The following ATRNL1 variants were observed in gnomAD, a reference collection of about 807,000 sequenced individuals.
ATRNL1 encodes the protein attractin-like protein 1.
ATRNL1 carries 95 observed loss-of-function variants against 182.7 expected under a neutral mutation model. The ratio of observed to expected loss-of-function variants is 0.52; its 90% CI spans 0.44 to 0.62. The LOEUF (loss-of-function observed/expected upper bound fraction) is 0.62. Among genes scored for constraint, ATRNL1 ranks in the 20% least tolerant of loss-of-function variants. The probability of loss-of-function intolerance (pLI) is 0.00; values close to 1 mark genes in which losing one functional copy is unlikely to be tolerated. For missense variants in ATRNL1, 1,471 were observed against 1,679.5 expected (o/e 0.88, Z 2.17); for synonymous variants, 576 against 568.3 (o/e 1.01, Z -0.19).
At chr10:115,138,921 T>G (rs970366601) in intron 5 of ATRNL1, among the ~76,000 whole-genome samples, 1 of 152,212 alleles carries the variant, frequency 6.6e-6, no homozygotes, top group African/African-American at 2.4e-5. Flanking sequence ...ACTGAATGCC[T>G]TTAACAGAAT....
chr10:115,641,015 T>G (rs1411440272), intron 26 of ATRNL1, among the ~76,000 whole-genome samples: 1 of 152,128 alleles, frequency 6.6e-6, no homozygotes, highest in East Asian at 1.9e-4. Context: ...CCAGCACCAT[T>G]TATTAAATAG....
At chr10:115,746,653 A>G (rs2907537) in intron 27 of ATRNL1, among the ~76,000 whole-genome samples, 2,590 of 152,094 alleles carry the variant, frequency 0.017, 35 homozygotes, top group Middle Eastern at 0.034. Context: ...TAATTCTTAT[A>G]TTATAATACT....
At chr10:115,426,182 C>T in intron 20 of ATRNL1, 68 bp from the exon 21 acceptor site, 1 of 1,298,562 alleles carries the variant, frequency 7.7e-7, no homozygotes, top group Admixed American at 1.9e-5. Context: ...TACTTTTTTG[C>T]TTGAAGAAAA....
At chr10:115,306,246 T>G (rs1447746875) in intron 17 of ATRNL1, among the ~76,000 whole-genome samples, 5 of 152,146 alleles carry the variant, frequency 3.3e-5, no homozygotes, top group Non-Finnish European at 7.4e-5. Flanking sequence ...AACTTTTGAG[T>G]CTTTGCATGT....
At chr10:115,393,813 ATAAT>A (rs1440050104) in intron 19 of ATRNL1, among the ~76,000 whole-genome samples, 6 of 152,260 alleles carry the variant, frequency 3.9e-5, no homozygotes, top group Middle Eastern at 3.4e-3. Context: ...GATGTTGGAC[ATAAT>A]TAAGTGTGAG....
At chr10:115,881,865 A>G (rs1320487588) in intron 28 of ATRNL1, among the ~76,000 whole-genome samples, 1 of 152,144 alleles carries the variant, frequency 6.6e-6, no homozygotes, top group Admixed American at 6.6e-5. Flanking sequence ...AGGACCTACC[A>G]TTAAATAGCT....
chr10:115,373,247 A>T lies in ATRNL1; in HGVS notation c.3176-21412A>T, dbSNP rs1366122576. 2.0e-5 allele frequency among the ~76,000 whole-genome samples: 3 copies of T among 152,076 alleles called. No individual in the cohort carries two copies. In the East Asian group the frequency reaches 5.8e-4, roughly 29 times the overall value. The stretch of plus-strand genomic sequence containing the variant: ...TGGAACATTCATGAATTTGTTTGTT[A>T]TTTCTAATGGGTTTTTGGTGGAGTC... On this transcript the variant is annotated intron_variant, in intron 19 of 28. Transcript: ENST00000355044.
chr10:115,794,003 A>G (rs1949590970), intron 27 of ATRNL1, among the ~76,000 whole-genome samples: 1 of 152,180 alleles, frequency 6.6e-6, no homozygotes, highest in African/African-American at 2.4e-5. Context: ...GGAAGACAAC[A>G]ATGTCATAAT....
At chr10:115,615,698 A>G (rs547537757) in intron 26 of ATRNL1, among the ~76,000 whole-genome samples, 1 of 152,220 alleles carries the variant, frequency 6.6e-6, no homozygotes, top group South Asian at 2.1e-4. Flanking sequence ...AAAAATGTGT[A>G]GCACCTCCTC....
intron 5 of ATRNL1, among the ~76,000 whole-genome samples, chr10:115,139,917 G>T (rs560720654): frequency 1.3e-4 from 20 of 152,280 alleles, no homozygotes; most frequent in African/African-American, 4.6e-4. Flanking sequence ...GCTCACAAGA[G>T]AAATGAGAAG....
chr10:115,451,766 A>G (rs976245893), intron 21 of ATRNL1, among the ~76,000 whole-genome samples: 1 of 152,124 alleles, frequency 6.6e-6, no homozygotes, highest in Non-Finnish European at 1.5e-5. Context: ...CTTGGAATAT[A>G]CCCAGAGGAG....
chr10:115,203,622 C>T (rs1848682673), intron 8 of ATRNL1, among the ~76,000 whole-genome samples: 1 of 148,356 alleles, frequency 6.7e-6, no homozygotes, highest in Non-Finnish European at 1.5e-5. Context: ...CTCTGTCACC[C>T]AGGCTAGAGT....
At chr10:115,432,667 C>T (rs1193448248) in intron 21 of ATRNL1, among the ~76,000 whole-genome samples, 4 of 152,062 alleles carry the variant, frequency 2.6e-5, no homozygotes, top group South Asian at 2.1e-4. Flanking sequence ...AAACCAAAAA[C>T]CAAATATATT....
intron 26 of ATRNL1, among the ~76,000 whole-genome samples, chr10:115,701,053 G>C (rs1359521168): frequency 6.6e-6 from 1 of 151,834 alleles, no homozygotes; most frequent in Non-Finnish European, 1.5e-5. Context: ...CCCCATGCTT[G>C]GTCATAAAAC....
intron 28 of ATRNL1, among the ~76,000 whole-genome samples, chr10:115,867,774 G>A (rs1311151235): frequency 7.2e-6 from 1 of 138,942 alleles, no homozygotes; most frequent in Non-Finnish European, 1.5e-5. Flanking sequence ...GTCTCACTCT[G>A]TCGCCCAGGC....
chr10:115,448,237 T>G (rs1847104470), intron 21 of ATRNL1, among the ~76,000 whole-genome samples: 1 of 152,152 alleles, frequency 6.6e-6, no homozygotes, highest in Non-Finnish European at 1.5e-5. Flanking sequence ...CATTTATACA[T>G]TCTTCTCTTT....
chr10:115,708,435 G>A (rs1946964850), intron 26 of ATRNL1, among the ~76,000 whole-genome samples: 1 of 151,516 alleles, frequency 6.6e-6, no homozygotes, highest in Admixed American at 6.6e-5. Flanking sequence ...CTTCCTAAGG[G>A]GAATTATTGT....
chr10:115,844,652 C>T (rs1950887951), intron 27 of ATRNL1, among the ~76,000 whole-genome samples: 1 of 151,970 alleles, frequency 6.6e-6, no homozygotes, highest in East Asian at 1.9e-4. Flanking sequence ...TTTAAAAGTG[C>T]TGTGGGCCTA....
chr10:115,858,910 G>A (rs571521595), intron 28 of ATRNL1, among the ~76,000 whole-genome samples: 7 of 151,930 alleles, frequency 4.6e-5, no homozygotes, highest in South Asian at 2.1e-4. Context: ...TTAGAGTCTC[G>A]GTGACTTAAA....
Sources: allele counts gnomAD v4.1 joint callset (sites outside exome capture counted in the v4.1 genomes callset), GRCh38; gene constraint gnomAD v4.1.1; transcripts MANE v1.5; gene names NCBI Gene and HGNC (gene_info 2026-07-23, HGNC 2026-07-21).